The following KLHL32 variants were observed in gnomAD, a reference collection of about 807,000 sequenced individuals.
The protein encoded by KLHL32 is kelch-like protein 32.
In KLHL32, 35 loss-of-function variants were observed where a neutral mutation model predicts 64.8. The observed-to-expected ratio is 0.54, with a 90% CI of 0.41 to 0.72. The LOEUF (loss-of-function observed/expected upper bound fraction) is 0.72. KLHL32 is among the 30% of genes least tolerant of loss of function. The probability of loss-of-function intolerance (pLI) is 0.00; values close to 1 mark genes in which losing one functional copy is unlikely to be tolerated. For missense variants in KLHL32, 589 were observed against 768.5 expected, an observed-to-expected ratio of 0.77 and a Z score of 2.76; for synonymous variants, 259 against 281.0, an observed-to-expected ratio of 0.92 and a Z score of 0.78.
intron 10 of KLHL32, among the ~76,000 whole-genome samples, chr6:97,136,037 A>G (rs1799968693): frequency 2.6e-5 from 4 of 152,220 alleles, no homozygotes; most frequent in Non-Finnish European, 5.9e-5. Context: ...ATGCATACTA[A>G]AAATATAAAG....
chr6:97,119,999 G>A (rs1415906465), intron 7 of KLHL32, among the ~76,000 whole-genome samples: 1 of 152,144 alleles, frequency 6.6e-6, no homozygotes, highest in Admixed American at 6.5e-5. Flanking sequence ...AAGGATGCAA[G>A]TGCACCGAGC....
At chr6:97,055,743 G>T (rs928773552) in intron 4 of KLHL32, among the ~76,000 whole-genome samples, 112 of 142,666 alleles carry the variant, frequency 7.9e-4, no homozygotes, top group Middle Eastern at 4.1e-3. Context: ...GGTTGCAGTG[G>T]GCCGATATCG....
intron 4 of KLHL32, among the ~76,000 whole-genome samples, chr6:97,042,299 AAGAC>A (rs1308260478): frequency 2.0e-5 from 3 of 152,192 alleles, no homozygotes; most frequent in Admixed American, 6.5e-5. Context: ...TAGTAAGAGA[AAGAC>A]AGGCAAATAC....
At chr6:96,925,572 C>G (rs1769040684) in intron 1 of KLHL32, among the ~76,000 whole-genome samples, 1 of 152,156 alleles carries the variant, frequency 6.6e-6, no homozygotes, top group Admixed American at 6.5e-5. Flanking sequence ...CAGTTTAGAT[C>G]CCTTCTTCCC....
chr6:97,077,146 A>C (rs920465749), intron 5 of KLHL32, among the ~76,000 whole-genome samples: 4 of 152,180 alleles, frequency 2.6e-5, no homozygotes, highest in Non-Finnish European at 5.9e-5. Context: ...AAGTCAGAGG[A>C]GGGAAAGTCC....
chr6:96,938,301 C>T (rs1294375066), intron 1 of KLHL32, among the ~76,000 whole-genome samples: 1 of 152,164 alleles, frequency 6.6e-6, no homozygotes, highest in Non-Finnish European at 1.5e-5. Flanking sequence ...GGTTCAGGCT[C>T]ACCAGCATCA....
rs146928831 is a variant in KLHL32, at chr6:97,105,283, G to A, written c.628-8500G>A. On this transcript the variant is annotated intron_variant, in intron 6 of 10. Coordinates refer to ENST00000369261, the MANE Select transcript of KLHL32 (RefSeq NM_052904.4). ...ACTCTGTTTAGAAAGGAAAAGATTC[G>A]TCTATGCATCATCATCCATTCTATT... Among the ~76,000 whole-genome samples, 76 of 152,280 alleles carry A rather than the reference G, an allele frequency of 5.0e-4. No individual in the cohort carries two copies. The East Asian group carries it at 0.012, about 24-fold the overall frequency.
chr6:97,130,430 A>C (rs993713190), intron 8 of KLHL32, among the ~76,000 whole-genome samples: 1 of 152,202 alleles, frequency 6.6e-6, no homozygotes, highest in African/African-American at 2.4e-5. Context: ...ATGAATTTGC[A>C]TGAGTAAATT....
intron 3 of KLHL32, among the ~76,000 whole-genome samples, chr6:97,011,772 G>A (rs1436285104): frequency 6.6e-6 from 1 of 152,170 alleles, no homozygotes; most frequent in African/African-American, 2.4e-5. Flanking sequence ...TGCAAGGATA[G>A]GCCAGAAAAT....
chr6:97,042,294 A>G (rs966853737), intron 4 of KLHL32, among the ~76,000 whole-genome samples: 2 of 152,182 alleles, frequency 1.3e-5, no homozygotes, highest in African/African-American at 4.8e-5. Flanking sequence ...CATCCTAGTA[A>G]GAGAAAGACA....
At chr6:97,071,606 C>T (rs1193892398) in intron 5 of KLHL32, among the ~76,000 whole-genome samples, 2 of 152,112 alleles carry the variant, frequency 1.3e-5, no homozygotes, top group South Asian at 2.1e-4. Context: ...TTCGCCTTTG[C>T]CCAGTCTCAC....
intron 1 of KLHL32, among the ~76,000 whole-genome samples, chr6:96,948,546 C>G (rs1032500062): frequency 7.2e-5 from 11 of 151,994 alleles, no homozygotes; most frequent in African/African-American, 2.4e-4. Flanking sequence ...TACTTTGGGT[C>G]TGTTTCTTCA....
At chr6:96,922,080 C>T (rs1768770518), upstream of KLHL32, among the ~76,000 whole-genome samples, 1 of 152,204 alleles carries the variant, frequency 6.6e-6, no homozygotes, top group Non-Finnish European at 1.5e-5. Flanking sequence ...TTCCCCAACT[C>T]ATTTGACCTG....
upstream of KLHL32, among the ~76,000 whole-genome samples, chr6:96,923,067 G>C (rs1175387485): frequency 2.6e-5 from 4 of 152,198 alleles, no homozygotes; most frequent in Admixed American, 6.5e-5. Context: ...TGGGCAGTAA[G>C]AGACTCTTCC....
At chr6:97,100,492 A>T (rs1795560778) in intron 6 of KLHL32, among the ~76,000 whole-genome samples, 1 of 152,166 alleles carries the variant, frequency 6.6e-6, no homozygotes, top group Non-Finnish European at 1.5e-5. Flanking sequence ...GCTTCAGTTT[A>T]TGGGTTCCCC....
chr6:97,029,431 G>A, intron 3 of KLHL32, among the ~76,000 whole-genome samples: 1 of 152,092 alleles, frequency 6.6e-6, no homozygotes, highest in East Asian at 1.9e-4. Flanking sequence ...GGGAAAATTG[G>A]TATTTTACAG....
chr6:97,064,480 G>C, intron 4 of KLHL32, 148 bp from the exon 5 acceptor site: 1 of 632,558 alleles, frequency 1.6e-6, no homozygotes, highest in Non-Finnish European at 2.7e-6. Context: ...AGGAAGAGAA[G>C]AACTGACTTC....
the KLHL32 span, among the ~76,000 whole-genome samples, chr6:96,910,808 T>G: frequency 6.6e-6 from 1 of 152,172 alleles, no homozygotes; most frequent in Non-Finnish European, 1.5e-5. Flanking sequence ...TGCAGTTTGT[T>G]GATAAAATAA....
intron 3 of KLHL32, among the ~76,000 whole-genome samples, chr6:97,026,446 A>G (rs1056199655): frequency 6.6e-6 from 1 of 152,118 alleles, no homozygotes; most frequent in Admixed American, 6.5e-5. Context: ...CTGTTCTTAG[A>G]TTAGGAAGGT....
Sources: allele counts gnomAD v4.1 joint callset (sites outside exome capture counted in the v4.1 genomes callset), GRCh38; gene constraint gnomAD v4.1.1; transcripts MANE v1.5; gene names NCBI Gene and HGNC (gene_info 2026-07-23, HGNC 2026-07-21).